The following ETV1 variants were observed in gnomAD, a reference collection of about 807,000 sequenced individuals.
ETV1 encodes the protein ETS variant transcription factor 1.
Under a neutral mutation model 62.3 loss-of-function variants are expected in ETV1, and 27 were observed. That is an observed-to-expected ratio of 0.43 (90% CI 0.32 to 0.60). ETV1 has a LOEUF of 0.60. Ranked by LOEUF, ETV1 falls within the 20% of genes least tolerant of loss-of-function variation. The probability of loss-of-function intolerance (pLI) is 0.06; values close to 1 mark genes in which losing one functional copy is unlikely to be tolerated. For synonymous variants in ETV1, 222 were observed against 199.6 expected, an observed-to-expected ratio of 1.11 and a Z score of -0.94; for missense variants, 605 against 605.8, an observed-to-expected ratio of 1.00 and a Z score of 0.01.
At position 13,909,695 on chromosome 7, in the gene ETV1, T is replaced by C. The variant is rs756408088; in HGVS notation, c.877A>G (p.Met293Val). 5 of 1,611,600 alleles carry C rather than the reference T, an allele frequency of 3.1e-6. No homozygotes were observed. Among genetic ancestry groups the C allele is most frequent in the African/African-American group, 2.7e-5 (2 of 74,854 alleles). Residue 293 changes from methionine to valine, a missense_variant, in exon 11 of 14, where the codon ATG becomes GTG. Transcript: ENST00000430479. ...AACTGCCTGGGGCCCTTTTCAAACA[T>C]ACAGCCTGTGGATGAAAAAGGAATA... ...LAHPSRTEGC[M>V]FEKGPRQFYD... is the part of the protein sequence containing the mutation.
chr7:13,956,607 T>A (rs972464953), intron 6 of ETV1, among the ~76,000 whole-genome samples: 1 of 152,220 alleles, frequency 6.6e-6, no homozygotes, highest in African/African-American at 2.4e-5. Flanking sequence ...CGTAACTAGG[T>A]AGCAGTGGTG....
At chr7:13,935,968 A>C (rs75788544) in intron 7 of ETV1, 72 bp from the exon 8 acceptor site, 5 of 1,197,548 alleles carry the variant, frequency 4.2e-6, no homozygotes, top group Non-Finnish European at 3.5e-6. Context: ...TTCTAATCCA[A>C]AGGAAGAAAA....
intron 9 of ETV1, among the ~76,000 whole-genome samples, chr7:13,914,989 A>C (rs971692278): frequency 3.9e-5 from 6 of 152,194 alleles, no homozygotes; most frequent in Non-Finnish European, 5.9e-5. Context: ...TAAATAAGGG[A>C]GAAAAACAAG....
chr7:13,911,427 T>C (rs1462021511), intron 9 of ETV1, 120 bp from the exon 10 acceptor site: 1 of 655,164 alleles, frequency 1.5e-6, no homozygotes, highest in African/African-American at 1.8e-5. Context: ...GTGGGGAACA[T>C]GTCAACATAT....
At chr7:13,943,957 G>GA (rs1787859404) in intron 6 of ETV1, among the ~76,000 whole-genome samples, 1 of 152,160 alleles carries the variant, frequency 6.6e-6, no homozygotes, top group African/African-American at 2.4e-5. Context: ...TGAGACATCT[G>GA]AAAATGTGCT....
Position 13,893,487 on chromosome 7 carries a change from C to T in ETV1, c.*2379G>A, listed in dbSNP as rs914290678. On this transcript the variant is annotated 3_prime_UTR_variant, in exon 14 of 14. Coordinates refer to ENST00000430479, the MANE Select transcript of ETV1 (RefSeq NM_004956.5). ...GAGTCACTACGTTAAAACAGCAAAA[C>T]ATATAGTTTGTCCTTAAATATTATA... 2 of 231,152 alleles carry T rather than the reference C, an allele frequency of 8.7e-6. No individual in the cohort carries two copies. The highest frequency in any genetic ancestry group is 2.2e-5 in the African/African-American group (1 of 45,244). The allele number at this position is 231,152 out of a possible 1,614,324, so 14.3% of individuals were successfully genotyped here. A position where few individuals can be genotyped will look rare whatever the true frequency, so the allele number is the denominator to read the frequency against.
intron 6 of ETV1, among the ~76,000 whole-genome samples, chr7:13,957,755 A>T (rs1789655954): frequency 6.6e-6 from 1 of 152,228 alleles, no homozygotes; most frequent in East Asian, 1.9e-4. Flanking sequence ...CACACAAAGA[A>T]GATTTATACA....
chr7:13,978,342 C>A (rs998632992), intron 5 of ETV1, among the ~76,000 whole-genome samples: 3 of 151,964 alleles, frequency 2.0e-5, no homozygotes, highest in African/African-American at 4.8e-5. Flanking sequence ...TCGAAGTAAC[C>A]TATTCCAAAC....
chr7:13,906,606 T>C lies in ETV1; in HGVS notation c.941-7A>G. The stretch of plus-strand genomic sequence containing the variant: ...GGCTCTTGTTTGATGTCTCCTAAAT[T>C]AAAACATTTTTAAGTTTCTATTATT... On this transcript the variant is annotated splice_region_variant and splice_polypyrimidine_tract_variant and intron_variant, in intron 11 of 13. Transcript: ENST00000430479. The C allele has an allele frequency of 1.3e-6, 2 of 1,584,784 alleles. No homozygotes were observed. Among genetic ancestry groups the C allele is most frequent in the Non-Finnish European group, 1.7e-6 (2 of 1,167,546 alleles).
rs1050623446 is a variant in ETV1, at chr7:13,893,414, T to A, written c.*2452A>T. The A allele has an allele frequency of 1.3e-5, 3 of 230,590 alleles. No homozygotes were observed. Among genetic ancestry groups the A allele is most frequent in the Non-Finnish European group, 1.7e-5 (2 of 116,604 alleles). 14.3% of individuals were successfully genotyped at this position (230,590 alleles called of 1,614,324 possible). A position where few individuals can be genotyped will look rare whatever the true frequency, so the allele number is the denominator to read the frequency against. On this transcript the variant is annotated 3_prime_UTR_variant, in exon 14 of 14. Coordinates refer to ENST00000430479, the MANE Select transcript of ETV1 (RefSeq NM_004956.5). ...TATAATGTAATATTTTCAACCCTTC[T>A]GTATTGGAAATACACTTAATGTTGG...
At chr7:13,920,306 A>C (rs1247618651) in intron 9 of ETV1, among the ~76,000 whole-genome samples, 2 of 152,184 alleles carry the variant, frequency 1.3e-5, no homozygotes, top group Non-Finnish European at 2.9e-5. Context: ...GCAAGGCCAT[A>C]AATAGTGTCA....
intron 5 of ETV1, among the ~76,000 whole-genome samples, chr7:13,985,707 C>G (rs886618489): frequency 6.6e-6 from 1 of 152,108 alleles, no homozygotes. Context: ...TATAATTTTT[C>G]TCTTTGTATT....
At chr7:13,956,227 TATA>T (rs1789435955) in intron 6 of ETV1, among the ~76,000 whole-genome samples, 1 of 152,200 alleles carries the variant, frequency 6.6e-6, no homozygotes, top group Admixed American at 6.5e-5. Flanking sequence ...TCACCCTATT[TATA>T]ATAATCCAGA....
At chr7:13,910,497 T>A in intron 10 of ETV1, 4 of 534,574 alleles carry the variant, frequency 7.5e-6, no homozygotes, top group Non-Finnish European at 9.6e-6. Flanking sequence ...ATATTTTACA[T>A]TTACCATCTC....
rs561359375 is a variant in ETV1, at chr7:13,904,269, T to C, written c.1110+2161A>G. ...TCAGTGCTTATTGCACAATTCCCAT[T>C]GAGTTGGTTATTATTTGGAAACGCT... On this transcript the variant is annotated intron_variant, in intron 12 of 13. Coordinates refer to ENST00000430479, the MANE Select transcript of ETV1 (RefSeq NM_004956.5). Among the ~76,000 whole-genome samples, 6 of 152,340 alleles carry C rather than the reference T, an allele frequency of 3.9e-5. No individual in the cohort carries two copies. The South Asian group carries it at 1.2e-3, about 32-fold the overall frequency.
intron 6 of ETV1, among the ~76,000 whole-genome samples, chr7:13,941,897 A>AG (rs1254618043): frequency 2.4e-5 from 3 of 125,592 alleles, no homozygotes; most frequent in Admixed American, 8.2e-5. Context: ...AAATAAATAA[A>AG]TAAATAAATA....
At chr7:13,947,597 G>C (rs890012906) in intron 6 of ETV1, among the ~76,000 whole-genome samples, 1 of 152,162 alleles carries the variant, frequency 6.6e-6, no homozygotes, top group Admixed American at 6.5e-5. Flanking sequence ...TTAAGAATTA[G>C]AGCCCTGGGC....
At position 13,989,428 on chromosome 7, in the gene ETV1, A is replaced by G. The variant is rs1340414098; in HGVS notation, c.-248T>C. 2.8e-5 allele frequency: 12 copies of G among 430,426 alleles called. No individual in the cohort carries two copies. Among genetic ancestry groups the G allele is most frequent in the Non-Finnish European group, 4.9e-5 (12 of 246,020 alleles). The allele number at this position is 430,426 out of a possible 1,614,324, so 26.7% of individuals were successfully genotyped here. A position where few individuals can be genotyped will look rare whatever the true frequency, so the allele number is the denominator to read the frequency against. The stretch of plus-strand genomic sequence containing the variant: ...TTCGCAAACGTGTGCAAAACTAGCA[A>G]TGGCGATCAACGAGACTTGCTTTGC... On this transcript the variant is annotated 5_prime_UTR_variant, in exon 2 of 14. Transcript: ENST00000430479.
intron 6 of ETV1, among the ~76,000 whole-genome samples, chr7:13,955,174 G>A (rs1008976517): frequency 4.6e-5 from 7 of 152,092 alleles, no homozygotes; most frequent in African/African-American, 1.7e-4. Flanking sequence ...ATTTGAAAAT[G>A]TTCTTTAAAA....
Sources: gnomAD v4.1 joint callset for allele counts (sites outside exome capture counted in the v4.1 genomes callset) on GRCh38, gnomAD v4.1.1 for gene constraint, MANE v1.5 for transcripts, NCBI Gene and HGNC (gene_info 2026-07-23, HGNC 2026-07-21) for gene names.